The following ETV6 variants were observed in gnomAD, a reference collection of about 807,000 sequenced individuals.
ETV6 encodes transcription factor ETV6.
In ETV6, 16 loss-of-function variants were observed where a neutral mutation model predicts 51.1. The observed-to-expected ratio is 0.31, with a 90% CI of 0.21 to 0.48. ETV6 has a LOEUF of 0.48. Ranked by LOEUF, ETV6 falls within the 20% of genes least tolerant of loss-of-function variation. The pLI is 0.99. For missense variants in ETV6, 458 were observed against 594.8 expected, an observed-to-expected ratio of 0.77 and a Z score of 2.39; for synonymous variants, 240 against 224.1, an observed-to-expected ratio of 1.07 and a Z score of -0.64.
At chr12:11,675,848 AGGAAG>A (rs1215095858) in intron 1 of ETV6, among the ~76,000 whole-genome samples, 5 of 151,866 alleles carry the variant, frequency 3.3e-5, no homozygotes, top group African/African-American at 1.2e-4. Flanking sequence ...GAGGGAAGAA[AGGAAG>A]GGAAGAGAGA....
chr12:11,847,337 A>G (rs1258736292), intron 3 of ETV6, among the ~76,000 whole-genome samples: 1 of 152,170 alleles, frequency 6.6e-6, no homozygotes, highest in Middle Eastern at 3.2e-3. Flanking sequence ...TATGACCTCC[A>G]GGAGGAATTA....
chr12:11,797,004 G>T (rs1452361906), intron 2 of ETV6, among the ~76,000 whole-genome samples: 1 of 152,072 alleles, frequency 6.6e-6, no homozygotes. Flanking sequence ...ACCATGCCTG[G>T]CCTAGGGTAA....
rs2856305 is a variant in ETV6 at position 11,650,286 on chromosome 12, A to C, written c.33+126A>C. ...TGTTCGCAGGAAATTATTTGGGGCG[A>C]GAGGGAAAGAGATGCAGCTCGCGGT... On this transcript the variant is annotated intron_variant, in intron 1 of 7. Coordinates refer to ENST00000396373, the MANE Select transcript of ETV6 (RefSeq NM_001987.5). 821,034 of 826,582 alleles carry C rather than the reference A, an allele frequency of 0.99. 407,955 individuals carry two copies. The highest frequency in any genetic ancestry group is 1 in the East Asian group (40,244 of 40,244). The allele number at this position is 826,582 out of a possible 1,614,324, so 51.2% of individuals were successfully genotyped here. A position where few individuals can be genotyped will look rare whatever the true frequency, so the allele number is the denominator to read the frequency against.
At chr12:11,760,930 GTGTGTATATA>G (rs1374816126) in intron 2 of ETV6, among the ~76,000 whole-genome samples, 4 of 105,438 alleles carry the variant, frequency 3.8e-5, no homozygotes, top group South Asian at 2.6e-4. Flanking sequence ...ATATGTGTGT[GTGTGTATATA>G]TGTATATATG....
chr12:11,715,649 C>T (rs934312195), intron 1 of ETV6, among the ~76,000 whole-genome samples: 6 of 152,190 alleles, frequency 3.9e-5, no homozygotes, highest in East Asian at 1.9e-4. Flanking sequence ...GAGGAAGAGT[C>T]GAACTTATAG....
In ETV6 at chr12:11,654,994, C is replaced by T. The variant is rs529621309; in HGVS notation, c.33+4834C>T. Among the ~76,000 whole-genome samples, 202 of 152,274 alleles carry T rather than the reference C, an allele frequency of 1.3e-3. 3 individuals are homozygous for T. The highest frequency in any genetic ancestry group is 4.7e-3 in the African/African-American group (196 of 41,542). On this transcript the variant is annotated intron_variant, in intron 1 of 7. Transcript: ENST00000396373. The stretch of plus-strand genomic sequence containing the variant: ...GGGCAAAAAATACCCCAGATGTGAG[C>T]ACCAGAGGCAGGTAGAGCTAAGTCA...
chr12:11,738,301 TTTTTGC>T (rs1865746159), intron 1 of ETV6, among the ~76,000 whole-genome samples: 1 of 72,604 alleles, frequency 1.4e-5, no homozygotes, highest in African/African-American at 3.5e-5. Context: ...TTTTTGTTTG[TTTTTGC>T]TTTTTTTTTT....
chr12:11,886,473 T>A (rs1947186806), intron 7 of ETV6, among the ~76,000 whole-genome samples: 1 of 152,134 alleles, frequency 6.6e-6, no homozygotes, highest in Non-Finnish European at 1.5e-5. Flanking sequence ...AGCTTTTTTT[T>A]TTTAATGAAA....
rs1947310155 is a variant in ETV6 at position 11,892,489 on chromosome 12, G to GA, written c.*1446dup. ...GGTAGTGCCACTTCTTAGTATTTTT[G>GA]AAAGCTGTTTTAGATTTTTTTTTTT... On this transcript the variant is annotated 3_prime_UTR_variant, in exon 8 of 8. Transcript: ENST00000396373. 4.3e-6 allele frequency: 1 copy of GA among 231,522 alleles called. No homozygotes were observed. Among genetic ancestry groups the GA allele is most frequent in the Non-Finnish European group, 8.5e-6 (1 of 117,558 alleles). The allele number at this position is 231,522 out of a possible 1,614,324, so 14.3% of individuals were successfully genotyped here.
intron 2 of ETV6, among the ~76,000 whole-genome samples, chr12:11,765,391 C>T (rs79603810): frequency 0.032 from 4,911 of 152,138 alleles, 75 homozygotes; most frequent in African/African-American, 0.04. Flanking sequence ...CTGCTTGATA[C>T]GCAGTCTCAG....
At chr12:11,885,071 C>A (rs965998153) in intron 6 of ETV6, among the ~76,000 whole-genome samples, 1 of 152,196 alleles carries the variant, frequency 6.6e-6, no homozygotes, top group African/African-American at 2.4e-5. Context: ...AAGAAGTTTG[C>A]CCCACAATTT....
chr12:11,687,278 T>C (rs1864653266), intron 1 of ETV6, among the ~76,000 whole-genome samples: 1 of 140,506 alleles, frequency 7.1e-6, no homozygotes, highest in African/African-American at 2.6e-5. Flanking sequence ...CCCACCAGGT[T>C]CAAACGATTC....
chr12:11,840,487 A>T (rs1226770494), intron 3 of ETV6: 1 of 456,100 alleles, frequency 2.2e-6, no homozygotes, highest in South Asian at 1.5e-5. Flanking sequence ...AACTTGACAA[A>T]GGGCGAGGAT....
chr12:11,775,417 A>G (rs1033168300), intron 2 of ETV6, among the ~76,000 whole-genome samples: 1 of 152,236 alleles, frequency 6.6e-6, no homozygotes, highest in Non-Finnish European at 1.5e-5. Flanking sequence ...GGGTTAAACC[A>G]TAAGTCAAAT....
rs1409890901 is a variant in ETV6 at position 11,667,856 on chromosome 12, C to T, written c.33+17696C>T. Among the ~76,000 whole-genome samples the T allele has an allele frequency of 2.0e-5, 3 of 152,174 alleles. No homozygotes were observed. In the East Asian group the frequency reaches 5.8e-4, roughly 29 times the overall value. On this transcript the variant is annotated intron_variant, in intron 1 of 7. Transcript: ENST00000396373. The stretch of plus-strand genomic sequence containing the variant: ...AGCTGGGATTACAGGTGCACGCTGC[C>T]ACGCCCAGCTAAATTTTGTATTTTT...
intron 2 of ETV6, among the ~76,000 whole-genome samples, chr12:11,834,136 G>T (rs771583912): frequency 6.6e-6 from 1 of 152,188 alleles, no homozygotes; most frequent in Non-Finnish European, 1.5e-5. Flanking sequence ...AATTAAGGAC[G>T]TTTCATCTGG....
At chr12:11,820,836 G>A (rs1022262577) in intron 2 of ETV6, among the ~76,000 whole-genome samples, 1 of 152,196 alleles carries the variant, frequency 6.6e-6, no homozygotes, top group Non-Finnish European at 1.5e-5. Flanking sequence ...CTTACAAACA[G>A]AGGAGTGATG....
chr12:11,786,553 G>C (rs1945489031), intron 2 of ETV6, among the ~76,000 whole-genome samples: 1 of 152,168 alleles, frequency 6.6e-6, no homozygotes. Context: ...CTAGAGGAGA[G>C]TCTTTTATTT....
intron 5 of ETV6, among the ~76,000 whole-genome samples, chr12:11,882,688 G>A (rs1414666915): frequency 2.0e-5 from 3 of 152,218 alleles, no homozygotes; most frequent in Non-Finnish European, 4.4e-5. Flanking sequence ...AGTAAGTGCT[G>A]TTATTCCCAC....
Sources: gnomAD v4.1 joint callset for allele counts (sites outside exome capture counted in the v4.1 genomes callset) on GRCh38, gnomAD v4.1.1 for gene constraint, MANE v1.5 for transcripts, NCBI Gene and HGNC (gene_info 2026-07-23, HGNC 2026-07-21) for gene names.